Variants in TNRC6B observed in about 807,000 individuals in gnomAD.
TNRC6B encodes trinucleotide repeat-containing gene 6B protein.
Under a neutral mutation model 203.6 loss-of-function variants are expected in TNRC6B, and 52 were observed. That is an observed-to-expected ratio of 0.26 (90% CI 0.20 to 0.32). The LOEUF (loss-of-function observed/expected upper bound fraction) is 0.32, where lower values mean the gene tolerates loss of function less well. Ranked by LOEUF, TNRC6B falls within the 10% of genes least tolerant of loss-of-function variation. The pLI, the probability that TNRC6B is intolerant of heterozygous loss-of-function variation, is 1.00. For missense variants in TNRC6B, 1,923 were observed against 2,286.2 expected (o/e 0.84, Z 3.24); for synonymous variants, 838 against 845.7 (o/e 0.99, Z 0.16).
At chr22:40,314,909 ATACTT>A (rs935891641) in intron 19 of TNRC6B, among the ~76,000 whole-genome samples, 35 of 152,236 alleles carry the variant, frequency 2.3e-4, no homozygotes, top group African/African-American at 8.4e-4. Flanking sequence ...TATTTATAGA[ATACTT>A]TATTCTGCTA....
At chr22:40,251,382 T>C (rs949387258) in intron 3 of TNRC6B, among the ~76,000 whole-genome samples, 182 bp downstream of exon 3, 1 of 152,194 alleles carries the variant, frequency 6.6e-6, no homozygotes, top group Non-Finnish European at 1.5e-5. Flanking sequence ...GTGTTTCTAG[T>C]TGGCCTTAAA....
intron 21 of TNRC6B, among the ~76,000 whole-genome samples, chr22:40,316,335 CAG>C (rs905496806): frequency 5.6e-5 from 8 of 143,952 alleles, no homozygotes; most frequent in African/African-American, 2.1e-4. Flanking sequence ...GCCTGGGCGA[CAG>C]AGTGAGACTC....
At chr22:40,250,985 A>G (rs1388689202) in intron 2 of TNRC6B, among the ~76,000 whole-genome samples, 194 bp from the exon 3 acceptor site, 2 of 150,212 alleles carry the variant, frequency 1.3e-5, no homozygotes, top group African/African-American at 4.9e-5. Context: ...GTGGTCATGT[A>G]AATTATAGCT....
rs761833454 is a variant in TNRC6B at position 40,315,437 on chromosome 22, A to C, written c.4833A>C (p.Ser1611=). ...CTGGTCTGACCAACCCCAAACCATC[A>C]TCTCCCTGGAGCAGCACAGCACCCC... ...PPPGLTNPKP[S]SPWSSTAPRS... Residue 1611 remains serine (S), a synonymous_variant, in exon 20 of 23, where the codon TCA becomes TCC. Coordinates refer to ENST00000454349, the MANE Select transcript of TNRC6B (RefSeq NM_001162501.2). 62 of 1,613,746 alleles carry C rather than the reference A, an allele frequency of 3.8e-5. 1 individual carries two copies. Among genetic ancestry groups the C allele is most frequent in the Non-Finnish European group, 8.5e-7 (1 of 1,179,868 alleles).
chr22:40,207,607 A>G (rs1011837233), intron 1 of TNRC6B, among the ~76,000 whole-genome samples: 6 of 151,952 alleles, frequency 3.9e-5, no homozygotes, highest in African/African-American at 1.4e-4. Flanking sequence ...TATCCAGAAT[A>G]CAATGCAGAA....
intron 2 of TNRC6B, among the ~76,000 whole-genome samples, chr22:40,119,434 A>G (rs1253691353): frequency 1.3e-5 from 2 of 152,188 alleles, no homozygotes; most frequent in Non-Finnish European, 2.9e-5. Context: ...AAATACAAAA[A>G]TTAGCCAGGC....
chr22:40,159,304 T>C (rs1050687593), intron 4 of TNRC6B, among the ~76,000 whole-genome samples: 1 of 149,460 alleles, frequency 6.7e-6, no homozygotes, highest in Non-Finnish European at 1.5e-5. Context: ...TAATATAAGC[T>C]TGTCAGAAAA....
chr22:40,255,795 A>G (rs552281560), intron 3 of TNRC6B, among the ~76,000 whole-genome samples: 4 of 152,310 alleles, frequency 2.6e-5, no homozygotes, highest in African/African-American at 9.6e-5. Context: ...CAGGAAGTGT[A>G]AATCCCTTCC....
At chr22:40,175,678 TA>T (rs2069049578), upstream of TNRC6B, among the ~76,000 whole-genome samples, 1 of 152,166 alleles carries the variant, frequency 6.6e-6, no homozygotes, top group Admixed American at 6.5e-5. Flanking sequence ...AGGATAAAAA[TA>T]GACTAAATAA....
chr22:40,056,681 C>G (rs1011213328), intron 1 of TNRC6B, among the ~76,000 whole-genome samples: 9 of 151,688 alleles, frequency 5.9e-5, no homozygotes, highest in African/African-American at 2.2e-4. Flanking sequence ...GCCTGTAGTC[C>G]TAGCTACTCA....
At chr22:40,238,242 C>G (rs537821147) in intron 1 of TNRC6B, among the ~76,000 whole-genome samples, 2 of 152,050 alleles carry the variant, frequency 1.3e-5, no homozygotes, top group African/African-American at 4.8e-5. Flanking sequence ...CTCGACTCGC[C>G]GTTCTCTAGT....
In TNRC6B at chr22:40,265,089, G is replaced by A. The variant is rs1251594163; in HGVS notation, c.859G>A (p.Val287Met). ...NNNGLGNWRN[V>M]SGQDRIGPGS... ...CAATGGACTAGGAAATTGGAGGAATGTGAGTGGTCAGGATAGAATTGGACC... is the reference window on the plus strand; with the variant it reads ...CAATGGACTAGGAAATTGGAGGAATATGAGTGGTCAGGATAGAATTGGACC... The change falls in exon 5 of 23, where the codon GTG becomes ATG. Residue 287 changes from valine (V) to methionine (M), a missense_variant. Val to Met is a conservative substitution (Grantham distance 21, BLOSUM62 1). This residue lies in a region of TNRC6B where 614 missense variants were observed against 587.7 expected (regional missense o/e 1.04). Coordinates refer to ENST00000454349, the MANE Select transcript of TNRC6B (RefSeq NM_001162501.2). 4 of 1,614,032 alleles carry A rather than the reference G, an allele frequency of 2.5e-6. No individual in the cohort carries two copies. The South Asian group carries it at 3.3e-5, about 13-fold the overall frequency.
At chr22:40,166,307 G>A (rs531135653) in intron 4 of TNRC6B, among the ~76,000 whole-genome samples, 38 of 152,110 alleles carry the variant, frequency 2.5e-4, no homozygotes, top group African/African-American at 9.2e-4. Context: ...TCACAAAAAT[G>A]GCAACTTAAA....
At chr22:40,238,774 C>T (rs1046253716) in intron 1 of TNRC6B, among the ~76,000 whole-genome samples, 8 of 152,194 alleles carry the variant, frequency 5.3e-5, no homozygotes, top group African/African-American at 1.9e-4. Flanking sequence ...ACTGTTGTTG[C>T]CTGAACTGTG....
chr22:40,116,713 G>T (rs1289150030), intron 1 of TNRC6B, among the ~76,000 whole-genome samples: 1 of 152,182 alleles, frequency 6.6e-6, no homozygotes, highest in Non-Finnish European at 1.5e-5. Context: ...ACGGATGTCA[G>T]GGTCTGACCT....
intron 1 of TNRC6B, among the ~76,000 whole-genome samples, chr22:40,049,529 A>G (rs1569243170): frequency 6.6e-6 from 1 of 152,092 alleles, no homozygotes; most frequent in South Asian, 2.1e-4. Context: ...TCACCTCTGT[A>G]TATGCTAGCC....
intron 3 of TNRC6B, among the ~76,000 whole-genome samples, chr22:40,134,262 G>A (rs1322991069): frequency 6.6e-6 from 1 of 152,156 alleles, no homozygotes; most frequent in Non-Finnish European, 1.5e-5. Context: ...TTTATACTTT[G>A]TACCCTTGGT....
chr22:40,109,932 G>A (rs765671222), intron 1 of TNRC6B, among the ~76,000 whole-genome samples: 5 of 152,124 alleles, frequency 3.3e-5, no homozygotes, highest in Admixed American at 1.3e-4. Context: ...TACACAGTGC[G>A]GGGCACAGCA....
intron 3 of TNRC6B, among the ~76,000 whole-genome samples, chr22:40,138,231 A>C (rs2068616927): frequency 6.6e-6 from 1 of 152,162 alleles, no homozygotes. Context: ...GTGAAATAGG[A>C]GATAGAGCAA....
Sources: allele counts gnomAD v4.1 joint callset (sites outside exome capture counted in the v4.1 genomes callset), GRCh38; gene constraint gnomAD v4.1.1; regional missense constraint gnomAD v4.1.1; transcripts MANE v1.5; gene names NCBI Gene and HGNC (gene_info 2026-07-23, HGNC 2026-07-21).